MALRD1: variants seen among roughly 807,000 people sequenced by gnomAD.
The protein encoded by MALRD1 is MAM and LDL-receptor class A domain-containing protein 1.
A neutral mutation model predicts 242.1 loss-of-function variants in MALRD1; 247 were observed. The observed-to-expected ratio is 1.02, with a 90% CI of 0.92 to 1.13. The LOEUF is 1.13. Ranked by LOEUF, MALRD1 falls within the 50% of genes most tolerant of loss-of-function variation. The pLI, the probability that MALRD1 is intolerant of heterozygous loss-of-function variation, is 0.00. For missense variants in MALRD1, 2,989 were observed against 2,533.1 expected, an observed-to-expected ratio of 1.18 and a Z score of -3.86; for synonymous variants, 995 against 866.6, an observed-to-expected ratio of 1.15 and a Z score of -2.60.
intron 4 of MALRD1, among the ~76,000 whole-genome samples, chr10:19,096,796 C>A (rs1836051859): frequency 6.6e-6 from 1 of 152,186 alleles, no homozygotes; most frequent in African/African-American, 2.4e-5. Context: ...AGCCATGCAT[C>A]CTTCCTTTAA....
intron 36 of MALRD1, among the ~76,000 whole-genome samples, chr10:19,645,262 A>G (rs910995269): frequency 6.6e-6 from 1 of 152,140 alleles, no homozygotes; most frequent in Non-Finnish European, 1.5e-5. Flanking sequence ...AAATAGGAAC[A>G]CTTTTACACT....
intron 1 of MALRD1, among the ~76,000 whole-genome samples, chr10:19,054,038 C>A (rs530120427): frequency 6.6e-6 from 1 of 152,006 alleles, no homozygotes; most frequent in East Asian, 1.9e-4. Flanking sequence ...TGATGAGAAT[C>A]CCTCTTTTAG....
rs902911478 is a variant in MALRD1, at chr10:19,450,351, C to T, written c.4890C>T (p.Asn1630=). 2 of 1,549,378 alleles carry T rather than the reference C, an allele frequency of 1.3e-6. No individual in the cohort carries two copies. The highest frequency in any genetic ancestry group is 8.7e-7 in the Non-Finnish European group (1 of 1,146,900). Residue 1630 remains asparagine (N), a synonymous_variant, in exon 29 of 40, where the codon AAC becomes AAT. Transcript: ENST00000454679. ...LSKVWQESKQ[N]PGNHWQKADI... Reference sequence around the variant, plus strand: ...AAGTATGGCAAGAAAGTAAGCAGAACCCTGGTAATCATTGGCAAAAGGCTG... The same window carrying T: ...AAGTATGGCAAGAAAGTAAGCAGAATCCTGGTAATCATTGGCAAAAGGCTG...
intron 21 of MALRD1, among the ~76,000 whole-genome samples, chr10:19,299,584 G>A (rs369879816): frequency 0.01 from 1,203 of 115,528 alleles, 16 homozygotes; most frequent in African/African-American, 0.035. Flanking sequence ...CAATAAATGT[G>A]ATGTGATTCA....
chr10:19,065,053 C>T (rs962051798), intron 1 of MALRD1, among the ~76,000 whole-genome samples: 2 of 151,518 alleles, frequency 1.3e-5, no homozygotes, highest in Non-Finnish European at 2.9e-5. Context: ...TTTGGGAGGC[C>T]GAGGCAGGTG....
intron 28 of MALRD1, among the ~76,000 whole-genome samples, chr10:19,427,083 C>T (rs982314472): frequency 5.3e-5 from 8 of 152,212 alleles, no homozygotes; most frequent in South Asian, 2.1e-4. Flanking sequence ...CCAGTTTTAT[C>T]GCTTAGTTTT....
chr10:19,276,557 TAATTTTTCATCAAGGCTAGCG>T (rs1035740221), intron 19 of MALRD1, among the ~76,000 whole-genome samples: 7 of 152,192 alleles, frequency 4.6e-5, no homozygotes, highest in Non-Finnish European at 7.3e-5. Context: ...TATTTGAAAA[TAATTTTTCATCAAGGCTAGCG>T]AATTTTTCTT....
intron 5 of MALRD1, among the ~76,000 whole-genome samples, chr10:19,110,492 T>C (rs1836638668): frequency 1.3e-5 from 2 of 152,222 alleles, no homozygotes; most frequent in Admixed American, 1.3e-4. Flanking sequence ...GCCTCAAACC[T>C]AGAAGTAAAT....
chr10:19,336,472 C>T (rs1297688422), intron 24 of MALRD1, among the ~76,000 whole-genome samples: 1 of 152,086 alleles, frequency 6.6e-6, no homozygotes, highest in African/African-American at 2.4e-5. Flanking sequence ...TTCAAGCACA[C>T]ACAGAACATT....
At chr10:19,478,068 G>C (rs1220942717) in intron 29 of MALRD1, among the ~76,000 whole-genome samples, 3 of 152,108 alleles carry the variant, frequency 2.0e-5, no homozygotes, top group Non-Finnish European at 2.9e-5. Context: ...AATGATTCGG[G>C]GGCTGCTTTT....
chr10:19,652,958 G>A (rs925215062), intron 36 of MALRD1, among the ~76,000 whole-genome samples: 1 of 152,150 alleles, frequency 6.6e-6, no homozygotes, highest in Admixed American at 6.5e-5. Context: ...GAACTCTCCA[G>A]GAGGAATCAC....
At position 19,306,046 on chromosome 10, in the gene MALRD1, A is replaced by G. The variant is rs1314309986; in HGVS notation, c.3420-17903A>G. Among the ~76,000 whole-genome samples, 11 of 106,732 alleles carry G rather than the reference A, an allele frequency of 1.0e-4. No individual in the cohort carries two copies. In the Admixed American group the frequency reaches 1.2e-3, roughly 11 times the overall value. 70.0% of individuals were successfully genotyped at this position (106,732 alleles called of 152,430 possible). ...TATACTATACTATATATTATATAGT[A>G]TACAATTTATTATACTATACTATAT... On this transcript the variant is annotated intron_variant, in intron 21 of 39. Transcript: ENST00000454679.
intron 13 of MALRD1, 82 bp from the exon 14 acceptor site, chr10:19,175,126 G>A: frequency 1.0e-6 from 1 of 1,003,454 alleles, no homozygotes; most frequent in Non-Finnish European, 1.3e-6. Context: ...TGTAAATAGG[G>A]TTCCTCTACA....
chr10:19,179,364 A>G (rs1835397645), intron 14 of MALRD1, among the ~76,000 whole-genome samples: 1 of 152,148 alleles, frequency 6.6e-6, no homozygotes, highest in Non-Finnish European at 1.5e-5. Context: ...GTGGGGGTAG[A>G]TCTGGCTGGG....
rs1442354023 is a variant in MALRD1 at position 19,352,000 on chromosome 10, T to A, written c.4150-6T>A. On this transcript the variant is annotated splice_polypyrimidine_tract_variant and splice_region_variant and intron_variant, in intron 25 of 39. Coordinates refer to ENST00000454679, the MANE Select transcript of MALRD1 (RefSeq NM_001142308.3). ...TCGTATGTAATATTCCTATTCTTGA[T>A]TACAGATTATTTTTCATTATCACAT... 3 of 1,537,654 alleles carry A rather than the reference T, an allele frequency of 2.0e-6. No homozygotes were observed. The highest frequency in any genetic ancestry group is 2.8e-5 in the African/African-American group (2 of 72,694).
intron 26 of MALRD1, among the ~76,000 whole-genome samples, chr10:19,370,492 T>TG (rs1378280613): frequency 1.3e-5 from 2 of 152,230 alleles, no homozygotes; most frequent in African/African-American, 4.8e-5. Flanking sequence ...TAAGTCATAC[T>TG]GGTTTTTTTG....
intron 29 of MALRD1, among the ~76,000 whole-genome samples, chr10:19,454,553 T>C (rs1835531689): frequency 6.6e-6 from 1 of 150,648 alleles, no homozygotes; most frequent in African/African-American, 2.4e-5. Flanking sequence ...ATGCATTCCA[T>C]ACCCAATAAA....
At chr10:19,340,371 A>T in intron 24 of MALRD1, among the ~76,000 whole-genome samples, 1 of 150,906 alleles carries the variant, frequency 6.6e-6, no homozygotes, top group African/African-American at 2.4e-5. Flanking sequence ...ACCCATTAAC[A>T]TCCCCACAAG....
chr10:19,070,250 C>A (rs567819007), intron 2 of MALRD1, among the ~76,000 whole-genome samples: 15 of 152,238 alleles, frequency 9.9e-5, no homozygotes, highest in South Asian at 4.1e-4. Context: ...ACCCAACCTA[C>A]TGAGAACCAT....
Sources: gnomAD v4.1 joint callset for allele counts (sites outside exome capture counted in the v4.1 genomes callset) on GRCh38, gnomAD v4.1.1 for gene constraint, MANE v1.5 for transcripts, NCBI Gene and HGNC (gene_info 2026-07-23, HGNC 2026-07-21) for gene names.